GALNT17: variants seen among roughly 807,000 people sequenced by gnomAD.
GALNT17 encodes the protein UDP-GalNAc:polypeptide N-acetylgalactosaminyltransferase-like 3.
Under a neutral mutation model 63.7 loss-of-function variants are expected in GALNT17, and 29 were observed. That is an observed-to-expected ratio of 0.46 (90% CI 0.34 to 0.62). The LOEUF is 0.62. GALNT17 is among the 20% of genes least tolerant of loss of function. The pLI is 0.01. For missense variants in GALNT17, 603 were observed against 799.6 expected (o/e 0.75, Z 2.97); for synonymous variants, 305 against 318.3 (o/e 0.96, Z 0.45).
At chr7:71,522,600 C>G (rs1287932058) in intron 5 of GALNT17, among the ~76,000 whole-genome samples, 1 of 152,158 alleles carries the variant, frequency 6.6e-6, no homozygotes, top group Non-Finnish European at 1.5e-5. Flanking sequence ...ATAATTCAGT[C>G]ATCTCCCACT....
At chr7:71,677,567 T>G (rs1050640717) in intron 9 of GALNT17, among the ~76,000 whole-genome samples, 6 of 150,448 alleles carry the variant, frequency 4.0e-5, no homozygotes, top group Non-Finnish European at 8.9e-5. Context: ...CAGGCTGGAG[T>G]GCAGTGGTAT....
intron 6 of GALNT17, 42 bp downstream of exon 6, chr7:71,571,444 T>G (rs768928785): frequency 3.2e-6 from 5 of 1,539,886 alleles, no homozygotes; most frequent in Non-Finnish European, 4.5e-6. Context: ...TGCCCATGTT[T>G]GTGAGCAGAG....
chr7:71,260,989 G>A (rs1253207544), intron 1 of GALNT17, among the ~76,000 whole-genome samples: 1 of 152,130 alleles, frequency 6.6e-6, no homozygotes. Flanking sequence ...ACATCCTATT[G>A]ATCGTCACAC....
intron 6 of GALNT17, among the ~76,000 whole-genome samples, chr7:71,600,304 A>G (rs560176599): frequency 6.6e-6 from 1 of 152,214 alleles, no homozygotes; most frequent in African/African-American, 2.4e-5. Context: ...GATAATAAAA[A>G]AAAAATAAGA....
intron 6 of GALNT17, among the ~76,000 whole-genome samples, chr7:71,583,595 A>T (rs574134370): frequency 1.3e-5 from 2 of 152,332 alleles, no homozygotes; most frequent in South Asian, 4.1e-4. Context: ...GGGAAAAATT[A>T]AACAGATTCC....
At chr7:71,512,248 G>A (rs756857774) in intron 5 of GALNT17, among the ~76,000 whole-genome samples, 2 of 151,846 alleles carry the variant, frequency 1.3e-5, no homozygotes, top group African/African-American at 2.4e-5. Context: ...CAAGTGATCC[G>A]CCCGCCTCAC....
intron 9 of GALNT17, among the ~76,000 whole-genome samples, chr7:71,679,333 GGCTGCAGTGA>G (rs758947413): frequency 2.0e-5 from 3 of 152,140 alleles, no homozygotes; most frequent in Admixed American, 6.6e-5. Context: ...AGGACTTCAA[GGCTGCAGTGA>G]GCCATGATCA....
At chr7:71,369,548 C>T (rs548432437) in intron 2 of GALNT17, among the ~76,000 whole-genome samples, 1 of 152,204 alleles carries the variant, frequency 6.6e-6, no homozygotes, top group African/African-American at 2.4e-5. Context: ...CGTGGTGGCT[C>T]ACGCCTGTAA....
chr7:71,490,063 C>T (rs1042707884), intron 5 of GALNT17, among the ~76,000 whole-genome samples: 2 of 151,954 alleles, frequency 1.3e-5, no homozygotes, highest in Non-Finnish European at 2.9e-5. Flanking sequence ...TGAGACCAGC[C>T]TGGCCAACAT....
At chr7:71,393,157 G>A (rs547018809) in intron 3 of GALNT17, among the ~76,000 whole-genome samples, 1 of 152,146 alleles carries the variant, frequency 6.6e-6, no homozygotes, top group East Asian at 1.9e-4. Flanking sequence ...GTATCTGCAT[G>A]GCTTCATTAA....
At chr7:71,475,612 A>G (rs945356064) in intron 5 of GALNT17, among the ~76,000 whole-genome samples, 2 of 152,150 alleles carry the variant, frequency 1.3e-5, no homozygotes, top group Non-Finnish European at 2.9e-5. Flanking sequence ...ACCTCCTGCT[A>G]TGTGGCCAGG....
At chr7:71,559,905 A>AC (rs1434463093) in intron 5 of GALNT17, among the ~76,000 whole-genome samples, 13 of 151,924 alleles carry the variant, frequency 8.6e-5, no homozygotes, top group South Asian at 6.2e-4. Context: ...AACAAAAAAA[A>AC]AAAAATCAGC....
At chr7:71,133,302 C>T (rs1787721749) in intron 1 of GALNT17, among the ~76,000 whole-genome samples, 1 of 152,194 alleles carries the variant, frequency 6.6e-6, no homozygotes. Flanking sequence ...CTCCCGGTCC[C>T]CGCGTGCGGA....
intron 9 of GALNT17, among the ~76,000 whole-genome samples, chr7:71,682,919 A>C (rs1056697889): frequency 1.3e-5 from 2 of 150,362 alleles, no homozygotes; most frequent in Non-Finnish European, 3.0e-5. Context: ...CCACCTTCTG[A>C]CTCCCTCCCC....
intron 5 of GALNT17, among the ~76,000 whole-genome samples, chr7:71,437,904 G>A (rs1786994292): frequency 6.6e-6 from 1 of 152,010 alleles, no homozygotes; most frequent in Admixed American, 6.6e-5. Context: ...GTAGAAGTAG[G>A]GTCTTGCTAT....
chr7:71,300,713 A>G (rs901523947), intron 1 of GALNT17: 1 of 257,498 alleles, frequency 3.9e-6, no homozygotes, highest in African/African-American at 2.3e-5. Flanking sequence ...AGGGATTTCC[A>G]GAATTCTAAA....
intron 6 of GALNT17, among the ~76,000 whole-genome samples, chr7:71,632,977 G>T (rs772278617): frequency 6.6e-6 from 1 of 151,678 alleles, no homozygotes; most frequent in South Asian, 2.1e-4. Flanking sequence ...GGTGGCACAC[G>T]CCTGTAATCC....
chr7:71,578,194 G>A (rs987752947), intron 6 of GALNT17, among the ~76,000 whole-genome samples: 20 of 151,690 alleles, frequency 1.3e-4, no homozygotes, highest in African/African-American at 4.8e-4. Context: ...CCACCACCAC[G>A]CCTGGCTAAT....
At chr7:71,471,056 AT>A (rs1156938477) in intron 5 of GALNT17, among the ~76,000 whole-genome samples, 1 of 151,484 alleles carries the variant, frequency 6.6e-6, no homozygotes, top group Admixed American at 6.6e-5. Flanking sequence ...AGAGCTCAGC[AT>A]TTTTTTTCCT....
Sources: gnomAD v4.1 joint callset for allele counts (sites outside exome capture counted in the v4.1 genomes callset) on GRCh38, gnomAD v4.1.1 for gene constraint, MANE v1.5 for transcripts, NCBI Gene and HGNC (gene_info 2026-07-23, HGNC 2026-07-21) for gene names.